The following LINGO1 variants were observed in gnomAD, a reference collection of about 807,000 sequenced individuals.
The protein encoded by LINGO1 is leucine rich repeat and Ig domain containing 1.
Under a neutral mutation model 37.3 loss-of-function variants are expected in LINGO1, and 11 were observed. The ratio of observed to expected loss-of-function variants is 0.29; its 90% CI spans 0.19 to 0.49. LINGO1 has a LOEUF of 0.49. LINGO1 is among the 20% of genes least tolerant of loss of function. LINGO1 has a pLI of 0.99. For synonymous variants in LINGO1, 387 were observed against 403.0 expected (o/e 0.96, Z 0.48); for missense variants, 585 against 878.2 (o/e 0.67, Z 4.22).
upstream of LINGO1, among the ~76,000 whole-genome samples, chr15:77,699,742 A>ATT: frequency 1.7e-3 from 1 of 596 alleles, no homozygotes; most frequent in East Asian, 0.036. Context: ...ACTAACCATC[A>ATT]CCTGCACACA....
intron 1 of LINGO1, among the ~76,000 whole-genome samples, chr15:77,631,444 C>T (rs974161468): frequency 2.6e-5 from 4 of 152,220 alleles, no homozygotes; most frequent in Non-Finnish European, 4.4e-5. Context: ...GGCTGCGACC[C>T]CAGCAGGAAC....
chr15:77,682,796 T>G (rs2075439616), intron 2 of LINGO1, among the ~76,000 whole-genome samples: 1 of 151,854 alleles, frequency 6.6e-6, no homozygotes, highest in South Asian at 2.1e-4. Context: ...AAATATGACC[T>G]CATCCCCGCT....
At chr15:77,768,629 A>G (rs2076553696) in intron 1 of LINGO1, among the ~76,000 whole-genome samples, 1 of 152,044 alleles carries the variant, frequency 6.6e-6, no homozygotes, top group Non-Finnish European at 1.5e-5. Context: ...GGAGGGAGGA[A>G]AGGAATATAT....
At chr15:77,642,693 C>G (rs558815576) in intron 3 of LINGO1, among the ~76,000 whole-genome samples, 2 of 152,320 alleles carry the variant, frequency 1.3e-5, no homozygotes, top group Admixed American at 1.3e-4. Context: ...AGGCTGGGAC[C>G]GGCACTTGGG....
At chr15:77,793,475 G>A (rs929393243) in intron 2 of LINGO1, among the ~76,000 whole-genome samples, 1 of 152,022 alleles carries the variant, frequency 6.6e-6, no homozygotes, top group Non-Finnish European at 1.5e-5. Flanking sequence ...GCCAGCCCTG[G>A]CCCTGCCACT....
intron 2 of LINGO1, among the ~76,000 whole-genome samples, chr15:77,718,416 G>T (rs969529727): frequency 6.6e-6 from 1 of 150,958 alleles, no homozygotes; most frequent in East Asian, 2.1e-4. Flanking sequence ...ATACACACAC[G>T]TGTCAACATG....
intron 1 of LINGO1, among the ~76,000 whole-genome samples, chr15:77,691,894 C>G (rs2075610585): frequency 6.6e-6 from 1 of 152,118 alleles, no homozygotes; most frequent in South Asian, 2.1e-4. Flanking sequence ...GTACGAGGCC[C>G]ACTCCCATCT....
chr15:77,641,223 C>T (rs538250582), intron 3 of LINGO1, among the ~76,000 whole-genome samples: 18 of 152,298 alleles, frequency 1.2e-4, no homozygotes, highest in Admixed American at 9.1e-4. Context: ...CACCACCTCT[C>T]GCCCAGGTAG....
intron 2 of LINGO1, among the ~76,000 whole-genome samples, chr15:77,714,756 C>T (rs975038725): frequency 1.3e-5 from 2 of 152,224 alleles, no homozygotes; most frequent in East Asian, 3.9e-4. Flanking sequence ...CCGCGATAAG[C>T]CTGGCTTGCC....
chr15:77,704,900 C>A (rs996747812), intron 2 of LINGO1, among the ~76,000 whole-genome samples: 3 of 152,160 alleles, frequency 2.0e-5, no homozygotes, highest in African/African-American at 7.2e-5. Flanking sequence ...TAAATCCTGA[C>A]CCTGGTTGCA....
At chr15:77,779,257 A>C (rs1567579827) in intron 1 of LINGO1, among the ~76,000 whole-genome samples, 1 of 151,950 alleles carries the variant, frequency 6.6e-6, no homozygotes, top group Non-Finnish European at 1.5e-5. Flanking sequence ...CTTGTTTAAT[A>C]TCTCTCTCCC....
chr15:77,623,974 C>CTGTG (rs377105591), intron 1 of LINGO1, among the ~76,000 whole-genome samples: 2 of 139,078 alleles, frequency 1.4e-5, no homozygotes, highest in Non-Finnish European at 3.1e-5. Flanking sequence ...TGTGTGTGGC[C>CTGTG]TGTGTGTGTG....
At chr15:77,710,544 G>C (rs1338996464) in intron 2 of LINGO1, among the ~76,000 whole-genome samples, 1 of 152,236 alleles carries the variant, frequency 6.6e-6, no homozygotes, top group Non-Finnish European at 1.5e-5. Flanking sequence ...CCAAAACCTT[G>C]TTCTCTAAAT....
At chr15:77,800,261 T>A (rs1014360247) in intron 1 of LINGO1, among the ~76,000 whole-genome samples, 1 of 152,172 alleles carries the variant, frequency 6.6e-6, no homozygotes, top group Admixed American at 6.5e-5. Flanking sequence ...ACAGCTGCCA[T>A]CCTGTCCCCA....
intron 3 of LINGO1, chr15:77,647,983 C>G (rs1322696935): frequency 2.2e-6 from 1 of 453,600 alleles, no homozygotes; most frequent in African/African-American, 2.0e-5. Flanking sequence ...ATTTCCTTGC[C>G]TCCTTCTTTC....
intron 3 of LINGO1, among the ~76,000 whole-genome samples, chr15:77,643,349 G>C (rs764729553): frequency 2.0e-5 from 3 of 152,156 alleles, no homozygotes; most frequent in Non-Finnish European, 4.4e-5. Context: ...TGGGGACAGA[G>C]GCAAACCTCA....
intron 2 of LINGO1, among the ~76,000 whole-genome samples, chr15:77,689,885 G>C (rs2075573799): frequency 6.6e-6 from 1 of 152,200 alleles, no homozygotes; most frequent in South Asian, 2.1e-4. Context: ...AAGCAAGAAG[G>C]GGAAGGGAAC....
Position 77,615,370 on chromosome 15 carries a change from G to C in LINGO1, c.537C>G (p.Leu179=), listed in dbSNP as rs1189015172. Residue 179 remains leucine, a synonymous_variant, in exon 2 of 2, where the codon CTC becomes CTG. Coordinates refer to ENST00000355300, the MANE Select transcript of LINGO1 (RefSeq NM_032808.7). ...LKSLEVGDND[L]VYISHRAFSG... is the part of the protein sequence containing the mutation. ...TGAAGGCGCGGTGAGAGATGTAGAC[G>C]AGGTCATTGTCGCCAACCTCCAGTG... The C allele has an allele frequency of 1.9e-6, 3 of 1,613,876 alleles. No homozygotes were observed. The highest frequency in any genetic ancestry group is 2.5e-6 in the Non-Finnish European group (3 of 1,179,910).
intron 2 of LINGO1, among the ~76,000 whole-genome samples, chr15:77,678,890 G>GT (rs796840373): frequency 5.3e-5 from 8 of 151,980 alleles, no homozygotes; most frequent in Admixed American, 3.3e-4. Context: ...GGGTTTTTTT[G>GT]TTTTTTGTTT....
Sources: gnomAD v4.1 joint callset for allele counts (sites outside exome capture counted in the v4.1 genomes callset) on GRCh38, gnomAD v4.1.1 for gene constraint, MANE v1.5 for transcripts, NCBI Gene and HGNC (gene_info 2026-07-23, HGNC 2026-07-21) for gene names.